MGAT5B: variants seen among roughly 807,000 people sequenced by gnomAD.
MGAT5B encodes N-acetylglucosaminyl-transferase Vb.
Under a neutral mutation model 95.1 loss-of-function variants are expected in MGAT5B, and 54 were observed. The observed-to-expected ratio is 0.57, with a 90% CI of 0.46 to 0.71. The LOEUF is 0.71. Among genes scored for constraint, MGAT5B ranks in the 30% least tolerant of loss-of-function variants. The pLI, the probability that MGAT5B is intolerant of heterozygous loss-of-function variation, is 0.00. For synonymous variants in MGAT5B, 464 were observed against 451.0 expected (o/e 1.03, Z -0.36); for missense variants, 935 against 1,088.6 (o/e 0.86, Z 1.99).
rs201018910 is a variant in MGAT5B at position 76,914,939 on chromosome 17, C to T, written c.1025+8752C>T. On this transcript the variant is annotated intron_variant, in intron 8 of 17. Transcript: ENST00000569840. This position sits in a 1 kb window ranked among gnomAD's most constrained non-coding sequence, Gnocchi z 5.1. ...AGGCGTGAGCCACTGCCCCCGGCCA[C>T]GTTTCTTCTTTTTATAAGGACACCA... is the stretch of plus-strand genomic sequence containing the variant. 1.3e-4 allele frequency among the ~76,000 whole-genome samples: 20 copies of T among 152,278 alleles called. No homozygotes were observed. The highest frequency in any genetic ancestry group is 3.4e-3 in the Middle Eastern group (1 of 294).
At chr17:76,919,487 C>T (rs916743594) in intron 8 of MGAT5B, among the ~76,000 whole-genome samples, 3 of 152,212 alleles carry the variant, frequency 2.0e-5, no homozygotes, top group Admixed American at 6.5e-5. Flanking sequence ...TAGAGTGCAA[C>T]GGTGTGATCA....
At chr17:76,936,469 A>C (rs1273069561) in intron 12 of MGAT5B, among the ~76,000 whole-genome samples, 1 of 152,186 alleles carries the variant, frequency 6.6e-6, no homozygotes, top group African/African-American at 2.4e-5. Flanking sequence ...AATGAAGTCC[A>C]GTGTTTTCTT....
chr17:76,868,441 C>T lies in MGAT5B; in HGVS notation c.-589C>T, dbSNP rs1160549901. 2 of 150,902 alleles carry T rather than the reference C, an allele frequency of 1.3e-5. No homozygotes were observed. Among genetic ancestry groups the T allele is most frequent in the Non-Finnish European group, 3.0e-5 (2 of 67,610 alleles). The allele number at this position is 150,902 out of a possible 1,614,324, so 9.3% of individuals were successfully genotyped here. On this transcript the variant is annotated 5_prime_UTR_variant, in exon 1 of 18. Transcript: ENST00000569840. The surrounding 1 kb of genome is among the most constrained non-coding windows in gnomAD (Gnocchi z 6.3). Reference sequence around the variant, plus strand: ...CCTCCGAGGAACAATGCGGCGCCTCCGGGCGTAGCGTCGCGCGGGGCCGGA... The same window carrying T: ...CCTCCGAGGAACAATGCGGCGCCTCTGGGCGTAGCGTCGCGCGGGGCCGGA...
Position 76,881,946 on chromosome 17 carries a change from C to T in MGAT5B, c.182-205C>T, listed in dbSNP as rs1391264888. ...CGGGGCTGCCCAGGGCTCTGCACTCCGCCACGATGCTGTTCTCTGCACCGC... is the reference window on the plus strand; with the variant it reads ...CGGGGCTGCCCAGGGCTCTGCACTCTGCCACGATGCTGTTCTCTGCACCGC... On this transcript the variant is annotated intron_variant, in intron 2 of 17. Transcript: ENST00000569840. Among the ~76,000 whole-genome samples the T allele has an allele frequency of 7.9e-5, 12 of 152,362 alleles. No individual in the cohort carries two copies. The South Asian group carries it at 1.7e-3, about 21-fold the overall frequency.
rs1968773256 is a variant in MGAT5B at position 76,912,405 on chromosome 17, T to C, written c.1025+6218T>C. ...AGCACCAGGTTAATTTGAAAACAGGTCAATGGGATGTGAAGGTAATCTGAA... is the reference window on the plus strand; with the variant it reads ...AGCACCAGGTTAATTTGAAAACAGGCCAATGGGATGTGAAGGTAATCTGAA... On this transcript the variant is annotated intron_variant, in intron 8 of 17. Coordinates refer to ENST00000569840, the MANE Select transcript of MGAT5B (RefSeq NM_001199172.2). The surrounding 1 kb of genome is among the most constrained non-coding windows in gnomAD (Gnocchi z 5.0). 6.6e-6 allele frequency among the ~76,000 whole-genome samples: 1 copy of C among 152,060 alleles called. No homozygotes were observed. The highest frequency in any genetic ancestry group is 2.1e-4 in the South Asian group (1 of 4,820).
rs1343726154 is a variant in MGAT5B at position 76,914,425 on chromosome 17, TG to T, written c.1025+8244del. 2.0e-5 allele frequency among the ~76,000 whole-genome samples: 3 copies of T among 152,134 alleles called. No individual in the cohort carries two copies. In the East Asian group the frequency reaches 5.8e-4, roughly 29 times the overall value. Reference sequence around the variant, plus strand: ...GGTGACCAGTCAAAAGACCACATGCTGGGGGGTGTAAACCACACAAATGTGT... The same window carrying T: ...GGTGACCAGTCAAAAGACCACATGCTGGGGGTGTAAACCACACAAATGTGT... On this transcript the variant is annotated intron_variant, in intron 8 of 17. Transcript: ENST00000569840. The surrounding 1 kb of genome is among the most constrained non-coding windows in gnomAD (Gnocchi z 5.1).
chr17:76,895,935 G>A (rs571836262), intron 3 of MGAT5B, among the ~76,000 whole-genome samples: 107 of 152,074 alleles, frequency 7.0e-4, no homozygotes, highest in Non-Finnish European at 1.2e-3. Context: ...AAACATTTTC[G>A]AGGGCCCCTA....
Position 76,933,284 on chromosome 17 carries a change from C to T in MGAT5B, c.1423-8C>T, listed in dbSNP as rs373276155. ...CTGTTCCTTGTGCTCCCCCTGGCCACGAGGCAGCTCCAGGTATGGAAACCG... is the reference window on the plus strand; with the variant it reads ...CTGTTCCTTGTGCTCCCCCTGGCCATGAGGCAGCTCCAGGTATGGAAACCG... On this transcript the variant is annotated splice_polypyrimidine_tract_variant and splice_region_variant and intron_variant, in intron 11 of 17. Transcript: ENST00000569840. 5.3e-5 allele frequency: 85 copies of T among 1,598,174 alleles called. No homozygotes were observed. Among genetic ancestry groups the T allele is most frequent in the Non-Finnish European group, 6.8e-5 (80 of 1,179,754 alleles).
intron 8 of MGAT5B, among the ~76,000 whole-genome samples, chr17:76,920,678 C>T (rs1274156015): frequency 6.6e-6 from 1 of 152,048 alleles, no homozygotes; most frequent in Non-Finnish European, 1.5e-5. Context: ...TTAACTCCTC[C>T]TGGGAAGGGG....
rs1227685498 is a variant in MGAT5B at position 76,870,473 on chromosome 17, G to A, written c.68+1376G>A. 1.0e-5 allele frequency among the ~76,000 whole-genome samples: 1 copy of A among 100,288 alleles called. No homozygotes were observed. Among genetic ancestry groups the A allele is most frequent in the Non-Finnish European group, 1.9e-5 (1 of 53,504 alleles). The allele number at this position is 100,288 out of a possible 152,430, so 65.8% of individuals were successfully genotyped here. A position where few individuals can be genotyped will look rare whatever the true frequency, so the allele number is the denominator to read the frequency against. On this transcript the variant is annotated intron_variant, in intron 1 of 17. Coordinates refer to ENST00000569840, the MANE Select transcript of MGAT5B (RefSeq NM_001199172.2). The surrounding 1 kb of genome is among the most constrained non-coding windows in gnomAD (Gnocchi z 5.0). The stretch of plus-strand genomic sequence containing the variant: ...TGACTGGGAACGCTGGAGGGTCCTC[G>A]CCCCTTCCGACCCCATCCCTGTCCC...
In MGAT5B at chr17:76,904,637, G is replaced by A. The variant is rs143741861; in HGVS notation, c.690+215G>A. On this transcript the variant is annotated intron_variant, in intron 6 of 17. Transcript: ENST00000569840. ...GCCACCAAGCTGGGCCTGTTTGCAGGGCAGGTGGGGGGCCTGGAGATGCCC... is the reference window on the plus strand; with the variant it reads ...GCCACCAAGCTGGGCCTGTTTGCAGAGCAGGTGGGGGGCCTGGAGATGCCC... Among the ~76,000 whole-genome samples, 696 of 152,380 alleles carry A rather than the reference G, an allele frequency of 4.6e-3. 4 individuals carry two copies. The highest frequency in any genetic ancestry group is 5.6e-3 in the Non-Finnish European group (383 of 68,040).
chr17:76,876,317 C>T (rs533200307), intron 2 of MGAT5B, among the ~76,000 whole-genome samples: 4 of 152,108 alleles, frequency 2.6e-5, no homozygotes, highest in African/African-American at 9.6e-5. Context: ...CTGAATCAGG[C>T]CTGGGGAGGG....
At chr17:76,877,795 A>G (rs994849134) in intron 2 of MGAT5B, among the ~76,000 whole-genome samples, 1 of 152,052 alleles carries the variant, frequency 6.6e-6, no homozygotes, top group South Asian at 2.1e-4. Flanking sequence ...GGCTCATTCA[A>G]TTTCCAATGG....
At chr17:76,908,911 A>G (rs532229511) in intron 8 of MGAT5B, among the ~76,000 whole-genome samples, 38 of 151,542 alleles carry the variant, frequency 2.5e-4, no homozygotes, top group African/African-American at 9.0e-4. Context: ...GGTTCAAGCA[A>G]TTCTCCTGCC....
rs1423285518 is a variant in MGAT5B at position 76,882,309 on chromosome 17, G to A, written c.329+11G>A. 9.4e-6 allele frequency: 15 copies of A among 1,602,570 alleles called. No individual in the cohort carries two copies. Among genetic ancestry groups the A allele is most frequent in the East Asian group, 2.2e-5 (1 of 44,616 alleles). On this transcript the variant is annotated intron_variant, in intron 3 of 17. Coordinates refer to ENST00000569840, the MANE Select transcript of MGAT5B (RefSeq NM_001199172.2). ...CTTTCCCGCAGACAGGTGAGGGGAC[G>A]TGGGGAGGAGGCACACGGAGCAGGG...
intron 3 of MGAT5B, among the ~76,000 whole-genome samples, chr17:76,890,025 G>T (rs543222445): frequency 6.6e-6 from 1 of 152,370 alleles, no homozygotes; most frequent in Admixed American, 6.5e-5. Context: ...CCATGCCGTG[G>T]GTGGTCTCCT....
intron 10 of MGAT5B, among the ~76,000 whole-genome samples, chr17:76,929,251 A>G (rs78386910): frequency 0.18 from 27,543 of 152,100 alleles, 2,783 homozygotes; most frequent in East Asian, 0.42. Context: ...GGAAGCAGAG[A>G]TGGGTTAAGA....
At chr17:76,933,094 G>C (rs977984827) in intron 11 of MGAT5B, among the ~76,000 whole-genome samples, 198 bp from the exon 12 acceptor site, 2 of 152,210 alleles carry the variant, frequency 1.3e-5, no homozygotes, top group Admixed American at 6.5e-5. Flanking sequence ...TTCGGTGGAT[G>C]GGGGGGTGGT....
In MGAT5B at chr17:76,948,800, C is replaced by A; in HGVS notation, c.2341C>A (p.Arg781Ser). Residue 781 changes from arginine (R) to serine (S), a missense_variant, in exon 18 of 18, where the codon CGC becomes AGC. Transcript: ENST00000569840. ...YRRLCPCRDF[R>S]KGQVALCQGC... ...CCGGCTCTGCCCCTGCCGCGACTTC[C>A]GCAAGGGCCAGGTGGCCTTGTGCCA... is the stretch of plus-strand genomic sequence containing the variant. 1 of 1,607,836 alleles carries A rather than the reference C, an allele frequency of 6.2e-7. No homozygotes were observed. The highest frequency in any genetic ancestry group is 8.5e-7 in the Non-Finnish European group (1 of 1,177,934).
Sources: gnomAD v4.1 joint callset for allele counts (sites outside exome capture counted in the v4.1 genomes callset) on GRCh38, gnomAD v4.1.1 for gene constraint, Gnocchi (gnomAD v3.1) non-coding constraint, MANE v1.5 for transcripts, NCBI Gene and HGNC (gene_info 2026-07-23, HGNC 2026-07-21) for gene names.